NELL1: variants seen among roughly 807,000 people sequenced by gnomAD.
NELL1 encodes protein kinase C-binding protein NELL1.
Under a neutral mutation model 107.4 loss-of-function variants are expected in NELL1, and 76 were observed. That is an observed-to-expected ratio of 0.71 (90% CI 0.59 to 0.86). NELL1 has a LOEUF of 0.86. Among genes scored for constraint, NELL1 ranks in the 40% least tolerant of loss-of-function variants. The pLI, the probability that NELL1 is intolerant of heterozygous loss-of-function variation, is 0.00. For missense variants in NELL1, 1,024 were observed against 1,005.5 expected (o/e 1.02, Z -0.25); for synonymous variants, 353 against 341.2 (o/e 1.03, Z -0.38).
intron 13 of NELL1, among the ~76,000 whole-genome samples, chr11:21,126,727 C>T (rs1855494373): frequency 1.3e-5 from 2 of 152,142 alleles, no homozygotes; most frequent in Non-Finnish European, 2.9e-5. Flanking sequence ...CCTTAAGATA[C>T]ATTTGGAAAG....
intron 12 of NELL1, among the ~76,000 whole-genome samples, chr11:21,099,556 A>G (rs1337477169): frequency 6.6e-6 from 1 of 152,182 alleles, no homozygotes; most frequent in East Asian, 1.9e-4. Flanking sequence ...CCTGTCAAGA[A>G]TGGCTTCCTT....
intron 2 of NELL1, among the ~76,000 whole-genome samples, chr11:20,737,192 T>C (rs756103115): frequency 5.3e-5 from 8 of 152,162 alleles, no homozygotes; most frequent in African/African-American, 1.7e-4. Context: ...TGGAGTCTGA[T>C]AGCCTGGTGT....
intron 13 of NELL1, among the ~76,000 whole-genome samples, chr11:21,136,523 G>C (rs759341841): frequency 5.9e-5 from 9 of 152,088 alleles, no homozygotes; most frequent in South Asian, 2.1e-4. Context: ...GTAGAGTAAG[G>C]GTAGTTGGGT....
intron 15 of NELL1, among the ~76,000 whole-genome samples, chr11:21,502,458 C>T (rs1357259482): frequency 1.3e-5 from 2 of 152,206 alleles, no homozygotes; most frequent in Non-Finnish European, 2.9e-5. Context: ...ACTTTCTCTG[C>T]ATGACTCAGA....
At chr11:21,571,839 T>A (rs373884445) in intron 18 of NELL1, among the ~76,000 whole-genome samples, 9 of 151,992 alleles carry the variant, frequency 5.9e-5, no homozygotes, top group East Asian at 3.9e-4. Flanking sequence ...TGGAACATTC[T>A]GAGTTGATTG....
At chr11:20,810,830 A>T (rs1196232953) in intron 3 of NELL1, among the ~76,000 whole-genome samples, 1 of 151,524 alleles carries the variant, frequency 6.6e-6, no homozygotes, top group Non-Finnish European at 1.5e-5. Flanking sequence ...TTCCATTCCC[A>T]CCAGCACTGT....
At chr11:20,691,778 T>A (rs985063316) in intron 2 of NELL1, among the ~76,000 whole-genome samples, 3 of 152,068 alleles carry the variant, frequency 2.0e-5, no homozygotes, top group Non-Finnish European at 4.4e-5. Flanking sequence ...GGCTTTGGTA[T>A]CAGGATGATG....
intron 12 of NELL1, among the ~76,000 whole-genome samples, chr11:21,069,218 C>T (rs1336000283): frequency 6.6e-6 from 1 of 152,128 alleles, no homozygotes; most frequent in East Asian, 1.9e-4. Flanking sequence ...CAGCAAACCA[C>T]CAGGACACAC....
chr11:20,968,809 A>G (rs1040460505), intron 12 of NELL1, among the ~76,000 whole-genome samples: 3 of 152,072 alleles, frequency 2.0e-5, no homozygotes, highest in Admixed American at 6.6e-5. Flanking sequence ...GTGCCTCTCA[A>G]GGTCACCAGG....
intron 12 of NELL1, among the ~76,000 whole-genome samples, chr11:21,100,441 G>A (rs1854776922): frequency 6.6e-6 from 1 of 152,184 alleles, no homozygotes; most frequent in Non-Finnish European, 1.5e-5. Context: ...TGCTCATTAA[G>A]CATCGACTGT....
intron 12 of NELL1, among the ~76,000 whole-genome samples, chr11:21,041,430 C>A (rs769526599): frequency 3.9e-5 from 6 of 152,052 alleles, no homozygotes; most frequent in Non-Finnish European, 8.8e-5. Flanking sequence ...CAGAGAGTCA[C>A]GTGAAAGGTA....
intron 2 of NELL1, among the ~76,000 whole-genome samples, chr11:20,714,996 T>C (rs879792318): frequency 3.1e-4 from 47 of 152,142 alleles, no homozygotes; most frequent in East Asian, 9.7e-4. Flanking sequence ...GTAATCCCAG[T>C]ACTTCGGGAG....
intron 12 of NELL1, among the ~76,000 whole-genome samples, chr11:21,003,698 G>A (rs1852271911): frequency 6.6e-6 from 1 of 152,148 alleles, no homozygotes; most frequent in Admixed American, 6.6e-5. Flanking sequence ...TGCAGGATGA[G>A]TTGGATCCAA....
intron 12 of NELL1, among the ~76,000 whole-genome samples, chr11:21,108,706 C>A (rs1004616791): frequency 2.6e-5 from 4 of 152,052 alleles, no homozygotes; most frequent in African/African-American, 9.7e-5. Flanking sequence ...CAGCTGGGAG[C>A]AAAATGCTTC....
At chr11:21,475,105 A>C (rs897970983) in intron 15 of NELL1, among the ~76,000 whole-genome samples, 1 of 152,056 alleles carries the variant, frequency 6.6e-6, no homozygotes, top group Non-Finnish European at 1.5e-5. Context: ...AAACAAAAGG[A>C]AAAAAAAGCT....
In NELL1 at chr11:20,669,607, T is replaced by A. The variant is rs1223764507; in HGVS notation, c.-117T>A. On this transcript the variant is annotated 5_prime_UTR_variant, in exon 1 of 20. Transcript: ENST00000357134. The surrounding 1 kb of genome is among the most constrained non-coding windows in gnomAD (Gnocchi z 4.4). ...CAGCACCCGGCGCTGCCGAGCCACC[T>A]CCCCCGCCGCCCGCTAGCAAGTTTG... 1 of 838,858 alleles carries A rather than the reference T, an allele frequency of 1.2e-6. No individual in the cohort carries two copies. The highest frequency in any genetic ancestry group is 2.1e-5 in the Admixed American group (1 of 46,982). The allele number at this position is 838,858 out of a possible 1,614,324, so 52.0% of individuals were successfully genotyped here. A position where few individuals can be genotyped will look rare whatever the true frequency, so the allele number is the denominator to read the frequency against.
At chr11:20,988,477 CTA>C (rs1851900848) in intron 12 of NELL1, among the ~76,000 whole-genome samples, 2 of 129,730 alleles carry the variant, frequency 1.5e-5, no homozygotes, top group South Asian at 4.9e-4. Context: ...GTATATATAT[CTA>C]TATATACACA....
intron 2 of NELL1, among the ~76,000 whole-genome samples, chr11:20,686,635 G>A (rs762396464): frequency 4.6e-5 from 7 of 152,248 alleles, no homozygotes; most frequent in Non-Finnish European, 7.4e-5. Flanking sequence ...TGCCTTGTTC[G>A]AACATTTGGC....
intron 13 of NELL1, among the ~76,000 whole-genome samples, chr11:21,207,030 C>G (rs931919393): frequency 6.6e-6 from 1 of 152,188 alleles, no homozygotes; most frequent in Admixed American, 6.5e-5. Context: ...AACAGCTTCA[C>G]TTCTTTCTTT....
Sources: allele counts gnomAD v4.1 joint callset (sites outside exome capture counted in the v4.1 genomes callset), GRCh38; gene constraint gnomAD v4.1.1; non-coding constraint Gnocchi (gnomAD v3.1); transcripts MANE v1.5; gene names NCBI Gene and HGNC (gene_info 2026-07-23, HGNC 2026-07-21).